PPM1H: variants seen among roughly 807,000 people sequenced by gnomAD.
PPM1H encodes protein phosphatase, Mg2+/Mn2+ dependent 1H, also known as protein phosphatase 1H.
PPM1H carries 27 observed loss-of-function variants against 54.9 expected under a neutral mutation model. The observed-to-expected ratio is 0.49, with a 90% CI of 0.36 to 0.68. The LOEUF is 0.68. PPM1H is among the 30% of genes least tolerant of loss of function. The pLI is 0.00. For missense variants in PPM1H, 596 were observed against 667.8 expected, an observed-to-expected ratio of 0.89 and a Z score of 1.19; for synonymous variants, 305 against 270.8, an observed-to-expected ratio of 1.13 and a Z score of -1.24.
chr12:62,876,986 C>T (rs961309331), intron 1 of PPM1H, among the ~76,000 whole-genome samples: 2 of 152,186 alleles, frequency 1.3e-5, no homozygotes, highest in African/African-American at 2.4e-5. Context: ...GCCCATCTTA[C>T]GTACAAGTTT....
At chr12:62,800,569 C>T (rs2076761923) in intron 3 of PPM1H, among the ~76,000 whole-genome samples, 1 of 152,050 alleles carries the variant, frequency 6.6e-6, no homozygotes, top group South Asian at 2.1e-4. Flanking sequence ...GAACTCCTGA[C>T]CTTGCGATCC....
intron 4 of PPM1H, among the ~76,000 whole-genome samples, chr12:62,762,256 C>T (rs1456619333): frequency 6.6e-6 from 1 of 152,166 alleles, no homozygotes; most frequent in Non-Finnish European, 1.5e-5. Flanking sequence ...TGTGCTTGTC[C>T]AGAGGGGGCT....
intron 6 of PPM1H, among the ~76,000 whole-genome samples, chr12:62,707,746 G>A (rs2076183422): frequency 6.6e-6 from 1 of 152,206 alleles, no homozygotes; most frequent in Admixed American, 6.5e-5. Flanking sequence ...ACACTAGACT[G>A]TAAACACCAT....
At chr12:62,873,040 A>C (rs373048346) in intron 1 of PPM1H, among the ~76,000 whole-genome samples, 1 of 152,322 alleles carries the variant, frequency 6.6e-6, no homozygotes, top group East Asian at 1.9e-4. Flanking sequence ...TTTTATAATA[A>C]GGAAGCAAAA....
chr12:62,817,903 C>T (rs115422385), intron 2 of PPM1H, among the ~76,000 whole-genome samples: 23 of 152,048 alleles, frequency 1.5e-4, no homozygotes, highest in Admixed American at 6.5e-4. Context: ...TGGTCTTGGC[C>T]GAGATGCTGA....
At chr12:62,733,831 T>C (rs61021928) in intron 5 of PPM1H, among the ~76,000 whole-genome samples, 114 of 152,292 alleles carry the variant, frequency 7.5e-4, no homozygotes, top group African/African-American at 2.6e-3. Flanking sequence ...ACTAATAGTG[T>C]CCACACTGAT....
chr12:62,901,826 T>A (rs1000285363), intron 1 of PPM1H, among the ~76,000 whole-genome samples: 2 of 152,124 alleles, frequency 1.3e-5, no homozygotes, highest in African/African-American at 4.8e-5. Flanking sequence ...ATGCCATTTG[T>A]CCTTGAACCT....
chr12:62,757,469 C>T (rs2076483366), intron 4 of PPM1H, among the ~76,000 whole-genome samples: 1 of 152,146 alleles, frequency 6.6e-6, no homozygotes, highest in Non-Finnish European at 1.5e-5. Flanking sequence ...GGTTTAACTT[C>T]TTTCTCAAAC....
chr12:62,660,583 T>A (rs778011611), intron 9 of PPM1H, among the ~76,000 whole-genome samples: 1 of 152,172 alleles, frequency 6.6e-6, no homozygotes, highest in Non-Finnish European at 1.5e-5. Flanking sequence ...AGAACATACA[T>A]TGGGGAAAGG....
intron 1 of PPM1H, among the ~76,000 whole-genome samples, chr12:62,932,221 G>GA (rs918655424): frequency 2.7e-4 from 40 of 150,672 alleles, no homozygotes; most frequent in Non-Finnish European, 4.0e-4. Context: ...TTTATTCTAG[G>GA]AAAAAAAAAT....
At chr12:62,685,958 T>G (rs894103990) in intron 8 of PPM1H, among the ~76,000 whole-genome samples, 13 of 152,228 alleles carry the variant, frequency 8.5e-5, no homozygotes, top group African/African-American at 3.1e-4. Flanking sequence ...AACAATTAGT[T>G]TTATTATTAT....
intron 3 of PPM1H, among the ~76,000 whole-genome samples, chr12:62,793,902 A>C (rs2076716051): frequency 6.6e-6 from 1 of 152,164 alleles, no homozygotes; most frequent in African/African-American, 2.4e-5. Context: ...GTTTCCTACC[A>C]ATTTCAGGTT....
chr12:62,776,495 T>C (rs1164468679), intron 4 of PPM1H, among the ~76,000 whole-genome samples: 3 of 152,242 alleles, frequency 2.0e-5, no homozygotes, highest in Non-Finnish European at 4.4e-5. Flanking sequence ...GCTACGTTCC[T>C]AGTGACTTTG....
intron 1 of PPM1H, among the ~76,000 whole-genome samples, chr12:62,886,735 T>G (rs1448367294): frequency 6.6e-6 from 1 of 152,250 alleles, no homozygotes; most frequent in Non-Finnish European, 1.5e-5. Context: ...GGAATGTCTT[T>G]AAATAGTTGT....
intron 1 of PPM1H, among the ~76,000 whole-genome samples, chr12:62,928,322 T>TA (rs754329018): frequency 5.1e-4 from 78 of 152,290 alleles, no homozygotes; most frequent in Non-Finnish European, 1.0e-3. Flanking sequence ...ACCACTTATC[T>TA]AAAAAAACAA....
At chr12:62,799,685 T>G (rs1041702498) in intron 3 of PPM1H, among the ~76,000 whole-genome samples, 1 of 152,226 alleles carries the variant, frequency 6.6e-6, no homozygotes, top group Non-Finnish European at 1.5e-5. Flanking sequence ...TCATTGGGAT[T>G]GCAGGGTTGC....
rs1267844756 is a variant in PPM1H, at chr12:62,644,435, T to C, written c.*4054A>G. On this transcript the variant is annotated 3_prime_UTR_variant, in exon 10 of 10. Coordinates refer to ENST00000228705, the MANE Select transcript of PPM1H (RefSeq NM_020700.2). ...AGGTTCTCCTTCAAGTACATCACAG[T>C]AGAAAACTACAGCACATTTACAGCC... is the stretch of plus-strand genomic sequence containing the variant. 1.3e-5 allele frequency: 2 copies of C among 152,224 alleles called. No individual in the cohort carries two copies. The allele number at this position is 152,224 out of a possible 1,614,324, so 9.4% of individuals were successfully genotyped here.
chr12:62,913,770 G>A (rs921232088), intron 1 of PPM1H, among the ~76,000 whole-genome samples: 2 of 151,994 alleles, frequency 1.3e-5, no homozygotes, highest in African/African-American at 2.4e-5. Context: ...GTTTAATCTC[G>A]GCTCACTGCA....
chr12:62,813,142 T>G (rs1442019663), intron 2 of PPM1H, among the ~76,000 whole-genome samples: 1 of 152,106 alleles, frequency 6.6e-6, no homozygotes, highest in African/African-American at 2.4e-5. Context: ...AGACGTTTCC[T>G]GTGGAGACCA....
Sources: gnomAD v4.1 joint callset for allele counts (sites outside exome capture counted in the v4.1 genomes callset) on GRCh38, gnomAD v4.1.1 for gene constraint, MANE v1.5 for transcripts, NCBI Gene and HGNC (gene_info 2026-07-23, HGNC 2026-07-21) for gene names.